DCAF12: variants seen among roughly 807,000 people sequenced by gnomAD.
DCAF12 encodes the protein DDB1 and CUL4 associated factor 12.
A neutral mutation model predicts 52.8 loss-of-function variants in DCAF12; 28 were observed. The ratio of observed to expected loss-of-function variants is 0.53; its 90% CI spans 0.39 to 0.73. The LOEUF is 0.73. Ranked by LOEUF, DCAF12 falls within the 30% of genes least tolerant of loss-of-function variation. DCAF12 has a pLI of 0.00. For missense variants in DCAF12, 425 were observed against 552.2 expected (o/e 0.77, Z 2.31); for synonymous variants, 196 against 215.5 (o/e 0.91, Z 0.79).
rs564025168 is a variant in DCAF12 at position 34,096,590 on chromosome 9, C to T, written c.861+126G>A. On this transcript the variant is annotated intron_variant, in intron 6 of 8. Transcript: ENST00000361264. The stretch of plus-strand genomic sequence containing the variant: ...CTGCACTCCAGCCTGGGCATCAGAG[C>T]GAGACTCTGCCTCAAAAATAAATGA... 2.6e-4 allele frequency: 229 copies of T among 882,796 alleles called. No homozygotes were observed. The Middle Eastern group carries it at 2.8e-3, about 11-fold the overall frequency. The allele number at this position is 882,796 out of a possible 1,614,324, so 54.7% of individuals were successfully genotyped here. A position where few individuals can be genotyped will look rare whatever the true frequency, so the allele number is the denominator to read the frequency against.
intron 8 of DCAF12, among the ~76,000 whole-genome samples, chr9:34,088,785 T>C (rs1361775824): frequency 6.6e-6 from 1 of 152,108 alleles, no homozygotes; most frequent in East Asian, 1.9e-4. Context: ...CTCCACCTGC[T>C]AGGCACAGGA....
Position 34,094,752 on chromosome 9 carries a change from A to G in DCAF12, c.862-1304T>C, listed in dbSNP as rs540160103. ...TCACCATGTTAGCCAGGATGGTCTC[A>G]ATCTCCTGACCTTGCGATCCGCCCA... On this transcript the variant is annotated intron_variant, in intron 6 of 8. Coordinates refer to ENST00000361264, the MANE Select transcript of DCAF12 (RefSeq NM_015397.4). Among the ~76,000 whole-genome samples the G allele has an allele frequency of 1.5e-3, 230 of 151,830 alleles. 2 individuals are homozygous for G. The highest frequency in any genetic ancestry group is 0.011 in the East Asian group (54 of 5,080).
At chr9:34,107,241 T>G in intron 3 of DCAF12, 118 bp downstream of exon 3, 1 of 951,518 alleles carries the variant, frequency 1.1e-6, no homozygotes. Context: ...AAATATACAC[T>G]GTGCCCTATG....
chr9:34,111,968 C>G (rs1829010451), intron 2 of DCAF12, among the ~76,000 whole-genome samples: 1 of 148,342 alleles, frequency 6.7e-6, no homozygotes, highest in Admixed American at 6.7e-5. Flanking sequence ...AACCCCATCT[C>G]TACTAAAAAT....
intron 2 of DCAF12, chr9:34,109,792 C>T: frequency 8.7e-6 from 3 of 344,182 alleles, no homozygotes; most frequent in South Asian, 5.5e-5. Flanking sequence ...CACCAGGTGG[C>T]TCAGGACACC....
At chr9:34,104,270 A>G (rs921039803) in intron 4 of DCAF12, among the ~76,000 whole-genome samples, 2 of 152,154 alleles carry the variant, frequency 1.3e-5, no homozygotes, top group Non-Finnish European at 2.9e-5. Flanking sequence ...ATTAAAAAAA[A>G]AGAAAAAAAC....
Position 34,126,457 on chromosome 9 carries a change from C to G in DCAF12, c.-26G>C, listed in dbSNP as rs774576896. 5.6e-6 allele frequency: 9 copies of G among 1,599,014 alleles called. No homozygotes were observed. In the African/African-American group the frequency reaches 1.1e-4, roughly 19 times the overall value. On this transcript the variant is annotated 5_prime_UTR_variant, in exon 1 of 9. Transcript: ENST00000361264. ...AGTGGGCAGCGCCGCCGCGGCCCCG[C>G]AGCCACATGGGGCGGGGGAAGCGAA... is the stretch of plus-strand genomic sequence containing the variant.
In DCAF12 at chr9:34,086,959, G is replaced by T. The variant is rs747655364; in HGVS notation, c.*1391C>A. ...AGAGTATGTGCTTAGAGGAACTGGT[G>T]GGTGGGAACAGCTGTTATCTTTGAC... On this transcript the variant is annotated 3_prime_UTR_variant, in exon 9 of 9. Coordinates refer to ENST00000361264, the MANE Select transcript of DCAF12 (RefSeq NM_015397.4). 1 of 152,198 alleles carries T rather than the reference G, an allele frequency of 6.6e-6. No individual in the cohort carries two copies. The highest frequency in any genetic ancestry group is 2.4e-5 in the African/African-American group (1 of 41,458). 9.4% of individuals were successfully genotyped at this position (152,198 alleles called of 1,614,324 possible). A position where few individuals can be genotyped will look rare whatever the true frequency, so the allele number is the denominator to read the frequency against.
intron 6 of DCAF12, chr9:34,093,741 T>G (rs1587731143): frequency 3.2e-6 from 1 of 313,270 alleles, no homozygotes; most frequent in Non-Finnish European, 6.1e-6. Flanking sequence ...GTAGGCTGTT[T>G]CAACTATTCA....
At chr9:34,088,542 T>C in intron 8 of DCAF12, 34 bp from the exon 9 acceptor site, 1 of 1,612,942 alleles carries the variant, frequency 6.2e-7, no homozygotes, top group Non-Finnish European at 8.5e-7. Flanking sequence ...AATTAGCACC[T>C]CTAGCCATGG....
chr9:34,121,180 C>A (rs936740551), intron 2 of DCAF12, among the ~76,000 whole-genome samples: 1 of 151,908 alleles, frequency 6.6e-6, no homozygotes, highest in Admixed American at 6.6e-5. Flanking sequence ...AACAAAAAAA[C>A]CCAAGAACAC....
intron 5 of DCAF12, 49 bp downstream of exon 5, chr9:34,098,275 G>T: frequency 1.3e-6 from 2 of 1,576,192 alleles, no homozygotes; most frequent in South Asian, 1.2e-5. Context: ...CATATCCCAA[G>T]ACATAAGCAA....
chr9:34,114,115 A>T (rs10971926), intron 2 of DCAF12, among the ~76,000 whole-genome samples: 20,024 of 152,028 alleles, frequency 0.13, 1,590 homozygotes, highest in South Asian at 0.32. Context: ...TCTCAAAAAA[A>T]AAAATGTGGC....
rs779416665 is a variant in DCAF12, at chr9:34,106,450, G to T, written c.585C>A (p.Asp195Glu). The T allele has an allele frequency of 5.0e-6, 8 of 1,609,876 alleles. No individual in the cohort carries two copies. The highest frequency in any genetic ancestry group is 1.7e-4 in the Middle Eastern group (1 of 6,054). ...CAACTTTACCAGACACTGCCATAGT[G>T]TCGCTGATCCATGCGATGGAAAAGA... Reference protein sequence around the residue: ...DWIFSIAWISDTMAVSGSRDG... With the variant: ...DWIFSIAWISETMAVSGSRDG... Residue 195 changes from aspartate (D) to glutamate (E), a missense_variant, in exon 4 of 9, where the codon GAC (aspartate) becomes GAA (glutamate). This residue lies in a region of DCAF12 where 328 missense variants were observed against 444.4 expected (regional missense o/e 0.74). Coordinates refer to ENST00000361264, the MANE Select transcript of DCAF12 (RefSeq NM_015397.4).
intron 1 of DCAF12, 148 bp downstream of exon 1, chr9:34,126,206 A>G (rs1279581310): frequency 4.1e-6 from 4 of 978,104 alleles, no homozygotes; most frequent in African/African-American, 3.3e-5. Context: ...ACGAGGGTCC[A>G]GTCCTGACCC....
chr9:34,120,203 CAAAAAAAAAA>C (rs34481024), intron 2 of DCAF12, among the ~76,000 whole-genome samples: 13 of 26,228 alleles, frequency 5.0e-4, no homozygotes, highest in Non-Finnish European at 6.5e-4. Flanking sequence ...AAGTCCGTCT[CAAAAAAAAAA>C]AAAAAAAAAA....
intron 4 of DCAF12, among the ~76,000 whole-genome samples, chr9:34,103,178 G>T (rs1202037382): frequency 6.7e-6 from 1 of 148,782 alleles, no homozygotes; most frequent in Non-Finnish European, 1.5e-5. Context: ...TTAGGAGGCC[G>T]AGGCAGGTGG....
intron 2 of DCAF12, among the ~76,000 whole-genome samples, chr9:34,112,401 G>A (rs1418098993): frequency 6.6e-6 from 1 of 152,028 alleles, no homozygotes; most frequent in Non-Finnish European, 1.5e-5. Context: ...TTCAAGACCA[G>A]CCTGGCCAAC....
intron 2 of DCAF12, among the ~76,000 whole-genome samples, chr9:34,113,651 T>C (rs1329346343): frequency 6.6e-6 from 1 of 152,092 alleles, no homozygotes; most frequent in Non-Finnish European, 1.5e-5. Flanking sequence ...GAATTTTCTT[T>C]AAAAAACAAT....
Sources: gnomAD v4.1 joint callset for allele counts (sites outside exome capture counted in the v4.1 genomes callset) on GRCh38, gnomAD v4.1.1 for gene constraint, gnomAD v4.1.1 regional missense constraint, MANE v1.5 for transcripts, NCBI Gene and HGNC (gene_info 2026-07-23, HGNC 2026-07-21) for gene names.